The following HERC1 variants were observed in gnomAD, a reference collection of about 807,000 sequenced individuals.
The protein encoded by HERC1 is probable E3 ubiquitin-protein ligase HERC1.
A neutral mutation model predicts 554.3 loss-of-function variants in HERC1; 160 were observed. That is an observed-to-expected ratio of 0.29 (90% CI 0.25 to 0.33). The LOEUF (loss-of-function observed/expected upper bound fraction) is 0.33. Among genes scored for constraint, HERC1 ranks in the 10% least tolerant of loss-of-function variants. HERC1 has a pLI of 1.00. For missense variants in HERC1, 4,919 were observed against 5,918.5 expected (o/e 0.83, Z 5.54); for synonymous variants, 2,175 against 2,131.7 (o/e 1.02, Z -0.56).
chr15:63,712,132 A>C (rs1269681825), intron 24 of HERC1, among the ~76,000 whole-genome samples: 1 of 152,170 alleles, frequency 6.6e-6, no homozygotes, highest in East Asian at 1.9e-4. Flanking sequence ...AAAGATTTTG[A>C]GTAGAGGAGG....
intron 2 of HERC1, 136 bp downstream of exon 2, chr15:63,774,558 G>A: frequency 1.5e-6 from 1 of 687,880 alleles, no homozygotes; most frequent in East Asian, 2.8e-5. Context: ...TTCACTCCAA[G>A]TATATGAAAT....
At chr15:63,737,542 TATATA>T (rs1567070140) in intron 12 of HERC1, among the ~76,000 whole-genome samples, 30 of 121,384 alleles carry the variant, frequency 2.5e-4, no homozygotes, top group Non-Finnish European at 3.4e-4. Context: ...TATATATATA[TATATA>T]TCTTTTTTTT....
In HERC1 at chr15:63,718,424, C is replaced by CTT; in HGVS notation, c.3978+148_3978+149dup. On this transcript the variant is annotated intron_variant, in intron 21 of 77. Transcript: ENST00000443617. The surrounding 1 kb of genome is among the most constrained non-coding windows in gnomAD (Gnocchi z 4.2). Reference sequence around the variant, plus strand: ...GGTTAAGTAAATCTCAAATCTTTTCCTTTTTTTTTTTCTGCTAGGAAAAGA... The same window carrying CTT: ...GGTTAAGTAAATCTCAAATCTTTTCCTTTTTTTTTTTTTCTGCTAGGAAAAGA... The CTT allele has an allele frequency of 3.1e-4, 174 of 554,362 alleles. No homozygotes were observed. The highest frequency in any genetic ancestry group is 8.9e-4 in the South Asian group (22 of 24,772). 34.3% of individuals were successfully genotyped at this position (554,362 alleles called of 1,614,324 possible).
intron 76 of HERC1, among the ~76,000 whole-genome samples, chr15:63,613,437 C>T (rs1336657162): frequency 6.6e-6 from 1 of 152,154 alleles, no homozygotes; most frequent in African/African-American, 2.4e-5. Context: ...AGACTCACCA[C>T]TGTTCAAGGT....
At chr15:63,698,503 T>C (rs1454138348) in intron 26 of HERC1, among the ~76,000 whole-genome samples, 1 of 152,062 alleles carries the variant, frequency 6.6e-6, no homozygotes, top group African/African-American at 2.4e-5. Context: ...TGAAGACTTC[T>C]GAGTATATTG....
In HERC1 at chr15:63,640,228, T is replaced by A. The variant is rs752535629; in HGVS notation, c.11825A>T (p.Asn3942Ile). The change falls in exon 61 of 78, where the codon AAT (asparagine) becomes ATT (isoleucine). Residue 3942 changes from asparagine (N) to isoleucine (I), a missense_variant. Physicochemically the swap from Asn to Ile is moderately radical, Grantham distance 149 (BLOSUM62 -3). Transcript: ENST00000443617. ...AAAAGATTCTGGAAACTGGGCTCCA[T>A]TGGTCAGGGCTTCGGCAGCTTTTAT... is the stretch of plus-strand genomic sequence containing the variant. ...TTIKAAEALT[N>I]GAQFPESFTV... 5 of 1,613,924 alleles carry A rather than the reference T, an allele frequency of 3.1e-6. No individual in the cohort carries two copies. The South Asian group carries it at 4.4e-5, about 14-fold the overall frequency.
At chr15:63,615,697 A>T in intron 76 of HERC1, 71 bp downstream of exon 76, 5 of 1,281,138 alleles carry the variant, frequency 3.9e-6, no homozygotes, top group Non-Finnish European at 5.3e-6. Context: ...AGATTTTGGC[A>T]TACCCAGTCA....
intron 1 of HERC1, among the ~76,000 whole-genome samples, chr15:63,805,981 G>C (rs951925701): frequency 3.3e-5 from 5 of 150,936 alleles, no homozygotes; most frequent in African/African-American, 1.2e-4. Context: ...CCAATTACTT[G>C]CAGGCCCTGC....
intron 34 of HERC1, among the ~76,000 whole-genome samples, chr15:63,684,432 C>T (rs1367284599): frequency 6.6e-6 from 1 of 152,172 alleles, no homozygotes; most frequent in Non-Finnish European, 1.5e-5. Flanking sequence ...TTGTCCTGGC[C>T]AATTCCTAAC....
At chr15:63,720,859 C>T (rs1596064896) in intron 19 of HERC1, among the ~76,000 whole-genome samples, 1 of 152,208 alleles carries the variant, frequency 6.6e-6, no homozygotes, top group African/African-American at 2.4e-5. Flanking sequence ...AGGTATTACT[C>T]TCCTATGCCA....
rs2076074484 is a variant in HERC1, at chr15:63,774,958, T to C, written c.666A>G (p.Leu222=). The C allele has an allele frequency of 6.2e-7, 1 of 1,614,060 alleles. No homozygotes were observed. The highest frequency in any genetic ancestry group is 2.2e-5 in the East Asian group (1 of 44,888). ...CTTTAAGAAATGTTGTTACTTGCGATAAGCAGTCCAAGCCCATAGGAGGAA... is the reference window on the plus strand; with the variant it reads ...CTTTAAGAAATGTTGTTACTTGCGACAAGCAGTCCAAGCCCATAGGAGGAA... ...SKIPPMGLDC[L]SQVTTFLKGV... The change falls in exon 2 of 78, where the codon TTA becomes TTG. Residue 222 remains leucine, a synonymous_variant. Coordinates refer to ENST00000443617, the MANE Select transcript of HERC1 (RefSeq NM_003922.4).
In HERC1 at chr15:63,694,872, C is replaced by T; in HGVS notation, c.5144G>A (p.Arg1715Lys). 1.1e-5 allele frequency: 17 copies of T among 1,613,546 alleles called. No homozygotes were observed. The highest frequency in any genetic ancestry group is 1.4e-5 in the Non-Finnish European group (17 of 1,179,600). ...TACCTGGATTTCAATCTGAATATTT[C>T]TCTTAGCTGCTCTGATCCCATCCTG... is the stretch of plus-strand genomic sequence containing the variant. ...HYQDGIRAAK[R>K]NIQIEIQVAV... is the part of the protein sequence containing the mutation. The change falls in exon 28 of 78, where the codon AGA becomes AAA. Residue 1715 changes from arginine to lysine, a missense_variant. By Grantham distance (26) the Arg-to-Lys change is conservative. Around this residue, in one of 11 missense-constraint regions of HERC1, gnomAD observed 1,121 missense variants for 1,244.0 expected, o/e 0.90. Transcript: ENST00000443617. This position sits in a 1 kb window ranked among gnomAD's most constrained non-coding sequence, Gnocchi z 4.3.
intron 18 of HERC1, 111 bp from the exon 19 acceptor site, chr15:63,723,466 T>A: frequency 2.8e-6 from 2 of 720,620 alleles, no homozygotes; most frequent in Non-Finnish European, 4.4e-6. Context: ...CAAACCATTT[T>A]AAGTAGATGC....
At chr15:63,802,341 G>T (rs545470919) in intron 1 of HERC1, among the ~76,000 whole-genome samples, 18 of 152,306 alleles carry the variant, frequency 1.2e-4, no homozygotes, top group African/African-American at 4.1e-4. Flanking sequence ...AAAAGGAAAA[G>T]ATTTGCTGAG....
intron 16 of HERC1, among the ~76,000 whole-genome samples, chr15:63,728,386 T>C (rs1297080362): frequency 6.6e-6 from 1 of 152,242 alleles, no homozygotes; most frequent in African/African-American, 2.4e-5. Context: ...ACTATTTCAT[T>C]GTATATCAGG....
chr15:63,723,042 G>C (rs374394141), intron 19 of HERC1, 140 bp downstream of exon 19: 103 of 511,504 alleles, frequency 2.0e-4, no homozygotes, highest in African/African-American at 2.0e-3. Flanking sequence ...AAAACAAATT[G>C]TTTAAAAATG....
intron 65 of HERC1, among the ~76,000 whole-genome samples, 158 bp downstream of exon 65, chr15:63,635,803 A>G (rs1595866530): frequency 6.6e-6 from 1 of 152,240 alleles, no homozygotes; most frequent in East Asian, 1.9e-4. Context: ...AACTTCTGAC[A>G]AGCTCAAGAA....
At chr15:63,667,034 A>T (rs976427238) in intron 40 of HERC1, among the ~76,000 whole-genome samples, 19 of 152,222 alleles carry the variant, frequency 1.2e-4, no homozygotes, top group African/African-American at 4.6e-4. Flanking sequence ...AGTGTTTCTA[A>T]GCACAAGGAT....
At chr15:63,732,836 A>C (rs1203629920) in intron 14 of HERC1, 88 bp downstream of exon 14, 5 of 862,996 alleles carry the variant, frequency 5.8e-6, no homozygotes, top group African/African-American at 1.7e-5. Context: ...TTTGATTTCT[A>C]TCATAGGTGT....
Sources: gnomAD v4.1 joint callset for allele counts (sites outside exome capture counted in the v4.1 genomes callset) on GRCh38, gnomAD v4.1.1 for gene constraint, gnomAD v4.1.1 regional missense constraint, Gnocchi (gnomAD v3.1) non-coding constraint, MANE v1.5 for transcripts, NCBI Gene and HGNC (gene_info 2026-07-23, HGNC 2026-07-21) for gene names.